The following PTPN22 variants were observed in gnomAD, a reference collection of about 807,000 sequenced individuals.
PTPN22 encodes the protein protein tyrosine phosphatase non-receptor type 22.
In PTPN22, 85 loss-of-function variants were observed where a neutral mutation model predicts 103.3. That is an observed-to-expected ratio of 0.82 (90% CI 0.69 to 0.99). The LOEUF (loss-of-function observed/expected upper bound fraction) is 0.99, where lower values mean the gene tolerates loss of function less well. PTPN22 is among the 50% of genes least tolerant of loss of function. The pLI is 0.00. For missense variants in PTPN22, 865 were observed against 936.9 expected, an observed-to-expected ratio of 0.92 and a Z score of 1.00; for synonymous variants, 323 against 310.2, an observed-to-expected ratio of 1.04 and a Z score of -0.43.
At chr1:113,858,954 T>C in intron 3 of PTPN22, 48 bp downstream of exon 3, 1 of 1,588,300 alleles carries the variant, frequency 6.3e-7, no homozygotes, top group Non-Finnish European at 8.6e-7. Flanking sequence ...TCCCCTTTTT[T>C]TGGGTATCTA....
At chr1:113,856,280 C>A in intron 7 of PTPN22, 102 bp downstream of exon 7, 3 of 1,400,908 alleles carry the variant, frequency 2.1e-6, no homozygotes, top group South Asian at 1.5e-5. Context: ...AAAGACCCTA[C>A]CACTTCCCAT....
chr1:113,817,112 G>A (rs1171128111), intron 20 of PTPN22, among the ~76,000 whole-genome samples: 1 of 152,104 alleles, frequency 6.6e-6, no homozygotes, highest in Non-Finnish European at 1.5e-5. Context: ...GAAGATGGAA[G>A]GAATACTTTT....
chr1:113,855,503 C>CAAAAAAAAAAA (rs58516952), intron 7 of PTPN22, among the ~76,000 whole-genome samples: 3 of 84,432 alleles, frequency 3.6e-5, no homozygotes, highest in African/African-American at 9.8e-5. Context: ...GACTCTGTCT[C>CAAAAAAAAAAA]AAAAAAAAAA....
chr1:113,853,358 T>TC (rs1664736079), intron 9 of PTPN22, among the ~76,000 whole-genome samples: 2 of 150,666 alleles, frequency 1.3e-5, no homozygotes, highest in Non-Finnish European at 3.0e-5. Context: ...CTTTCTTTTT[T>TC]TTTTTTTTTT....
intron 19 of PTPN22, chr1:113,819,894 A>G (rs1289958219): frequency 1.5e-5 from 4 of 269,988 alleles, no homozygotes; most frequent in Middle Eastern, 1.1e-3. Context: ...GTAAAGCCCA[A>G]CACTAAAGAA....
chr1:113,846,970 G>T, intron 11 of PTPN22, among the ~76,000 whole-genome samples: 1 of 70,364 alleles, frequency 1.4e-5, no homozygotes, highest in Non-Finnish European at 2.8e-5. Flanking sequence ...TTTCTTTCTG[G>T]ATTTTGATGA....
exon 20 of PTPN22, chr1:113,819,638 G>A: frequency 3.1e-6 from 5 of 1,598,018 alleles, no homozygotes; most frequent in South Asian, 2.3e-5. Flanking sequence ...TGTTTGGTGG[G>A]CAAGAATTAC....
At chr1:113,822,305 G>A (rs940402866) in intron 19 of PTPN22, among the ~76,000 whole-genome samples, 9 of 152,194 alleles carry the variant, frequency 5.9e-5, no homozygotes, top group Non-Finnish European at 1.3e-4. Flanking sequence ...GTAGCAGCCA[G>A]TGTGATCGTT....
At chr1:113,838,016 C>G in exon 13 of PTPN22, 1 of 1,614,024 alleles carries the variant, frequency 6.2e-7, no homozygotes, top group Non-Finnish European at 8.5e-7. Context: ...CTGTCCACCT[C>G]CTTGGTTTCT....
chr1:113,863,075 G>C (rs1231660356), intron 1 of PTPN22, among the ~76,000 whole-genome samples: 2 of 152,068 alleles, frequency 1.3e-5, no homozygotes, highest in Non-Finnish European at 1.5e-5. Context: ...AAAATGGCAA[G>C]AAATGTGTGT....
intron 19 of PTPN22, among the ~76,000 whole-genome samples, chr1:113,819,984 T>G (rs1661457894): frequency 6.6e-6 from 1 of 152,142 alleles, no homozygotes; most frequent in African/African-American, 2.4e-5. Context: ...ATTTTGGCTT[T>G]GGACTTCATA....
chr1:113,850,304 G>A (rs1269572187), intron 10 of PTPN22, among the ~76,000 whole-genome samples: 1 of 152,042 alleles, frequency 6.6e-6, no homozygotes, highest in African/African-American at 2.4e-5. Flanking sequence ...AAATCAGACA[G>A]GAAGCTCTCA....
intron 4 of PTPN22, 42 bp from the exon 5 acceptor site, chr1:113,857,818 G>A (rs1665209456): frequency 1.9e-6 from 3 of 1,538,756 alleles, no homozygotes; most frequent in South Asian, 1.2e-5. Flanking sequence ...TTCATATATA[G>A]TTAGAAAGAG....
chr1:113,858,239 G>A (rs187563603), intron 4 of PTPN22, among the ~76,000 whole-genome samples: 106 of 152,042 alleles, frequency 7.0e-4, no homozygotes, highest in African/African-American at 2.3e-3. Context: ...TGTATTTTTT[G>A]TAGAGACAGG....
chr1:113,864,282 T>A, intron 1 of PTPN22: 1 of 451,856 alleles, frequency 2.2e-6, no homozygotes, highest in Non-Finnish European at 4.4e-6. Context: ...CTCAGCACTT[T>A]GGGAGGCTGA....
chr1:113,815,022 T>A, intron 20 of PTPN22, 53 bp from the exon 21 acceptor site: 2 of 1,305,816 alleles, frequency 1.5e-6, no homozygotes, highest in Non-Finnish European at 2.2e-6. Flanking sequence ...AGTATAGAAA[T>A]GAATACTTGG....
intron 18 of PTPN22, among the ~76,000 whole-genome samples, chr1:113,827,772 C>T (rs1390484224): frequency 2.0e-5 from 3 of 152,034 alleles, no homozygotes; most frequent in African/African-American, 7.2e-5. Context: ...AAGTTGGCAA[C>T]ATAGGGAGAC....
At chr1:113,862,629 G>A (rs1665714677) in intron 1 of PTPN22, among the ~76,000 whole-genome samples, 1 of 152,100 alleles carries the variant, frequency 6.6e-6, no homozygotes, top group Admixed American at 6.6e-5. Flanking sequence ...TGCCTTGAAG[G>A]ACTACATTAC....
intron 1 of PTPN22, 136 bp downstream of exon 1, chr1:113,871,401 T>A (rs905814827): frequency 6.3e-6 from 4 of 635,700 alleles, no homozygotes; most frequent in Non-Finnish European, 1.1e-5. Context: ...AAGTCAAACT[T>A]TTTTTTTTCT....
Sources: allele counts gnomAD v4.1 joint callset (sites outside exome capture counted in the v4.1 genomes callset), GRCh38; gene constraint gnomAD v4.1.1; transcripts MANE v1.5; gene names NCBI Gene and HGNC (gene_info 2026-07-23, HGNC 2026-07-21).